Variants in GABRG3 observed in about 807,000 individuals in gnomAD.
GABRG3 encodes gamma-aminobutyric acid type A receptor subunit gamma3.
A neutral mutation model predicts 48.8 loss-of-function variants in GABRG3; 25 were observed. The observed-to-expected ratio is 0.51, with a 90% CI of 0.37 to 0.72. GABRG3 has a LOEUF of 0.72. GABRG3 is among the 30% of genes least tolerant of loss of function. The pLI, the probability that GABRG3 is intolerant of heterozygous loss-of-function variation, is 0.00. For synonymous variants in GABRG3, 227 were observed against 217.6 expected, an observed-to-expected ratio of 1.04 and a Z score of -0.38; for missense variants, 394 against 577.9, an observed-to-expected ratio of 0.68 and a Z score of 3.26.
At chr15:27,308,721 CATAAT>C (rs1281709599) in intron 3 of GABRG3, among the ~76,000 whole-genome samples, 3 of 148,854 alleles carry the variant, frequency 2.0e-5, no homozygotes, top group African/African-American at 7.3e-5. Context: ...TATATGTAAA[CATAAT>C]GTAAACATAC....
chr15:27,293,436 C>A (rs1014464783), intron 3 of GABRG3, among the ~76,000 whole-genome samples: 1 of 151,906 alleles, frequency 6.6e-6, no homozygotes, highest in African/African-American at 2.4e-5. Flanking sequence ...CGCCTGTAAT[C>A]CCAGCACTTT....
chr15:27,176,254 C>A (rs150147234), intron 3 of GABRG3, among the ~76,000 whole-genome samples: 10 of 152,280 alleles, frequency 6.6e-5, no homozygotes, highest in African/African-American at 2.4e-4. Flanking sequence ...TTTAAGAGTT[C>A]CACCTCTTTC....
chr15:27,003,497 T>C (rs1423916976), intron 2 of GABRG3, among the ~76,000 whole-genome samples: 2 of 152,056 alleles, frequency 1.3e-5, no homozygotes, highest in African/African-American at 4.8e-5. Flanking sequence ...CATTTAACCC[T>C]GAGTGGACAC....
intron 3 of GABRG3, among the ~76,000 whole-genome samples, chr15:27,052,057 G>C (rs546411802): frequency 6.6e-6 from 1 of 152,298 alleles, no homozygotes; most frequent in South Asian, 2.1e-4. Flanking sequence ...AGCTTCTCTT[G>C]CTCGCCCGCC....
chr15:27,483,827 G>A (rs1255976247), intron 6 of GABRG3, among the ~76,000 whole-genome samples: 2 of 152,196 alleles, frequency 1.3e-5, no homozygotes, highest in African/African-American at 4.8e-5. Flanking sequence ...GTCTTGAACA[G>A]TCTCTCTGCC....
chr15:27,290,227 C>T (rs190801345), intron 3 of GABRG3, among the ~76,000 whole-genome samples: 122 of 151,736 alleles, frequency 8.0e-4, no homozygotes, highest in Non-Finnish European at 1.4e-3. Flanking sequence ...TAAATATTGA[C>T]GAACAGATAT....
chr15:27,413,830 TGA>T (rs1216713495), intron 5 of GABRG3, among the ~76,000 whole-genome samples: 1 of 152,214 alleles, frequency 6.6e-6, no homozygotes, highest in East Asian at 1.9e-4. Context: ...AAAGAAGGAA[TGA>T]GATACCAATT....
At chr15:27,267,874 T>G (rs1890969528) in intron 3 of GABRG3, among the ~76,000 whole-genome samples, 1 of 152,222 alleles carries the variant, frequency 6.6e-6, no homozygotes, top group African/African-American at 2.4e-5. Context: ...TAGGCCAACC[T>G]TACATTCCTG....
intron 5 of GABRG3, among the ~76,000 whole-genome samples, chr15:27,434,199 A>T (rs1370969616): frequency 6.6e-6 from 1 of 152,264 alleles, no homozygotes; most frequent in Non-Finnish European, 1.5e-5. Flanking sequence ...AATGCACAGC[A>T]TATTGATGCA....
intron 2 of GABRG3, among the ~76,000 whole-genome samples, chr15:26,979,277 G>A (rs1895008725): frequency 6.6e-6 from 1 of 152,028 alleles, no homozygotes; most frequent in South Asian, 2.1e-4. Context: ...CACCATCATT[G>A]TCATCTGCAA....
intron 3 of GABRG3, among the ~76,000 whole-genome samples, chr15:27,268,728 T>C (rs1890994546): frequency 1.5e-5 from 2 of 135,944 alleles, no homozygotes. Flanking sequence ...TTCAAATTCA[T>C]TTCAAATATT....
chr15:27,010,268 A>G (rs1895661241), intron 2 of GABRG3, among the ~76,000 whole-genome samples: 1 of 152,188 alleles, frequency 6.6e-6, no homozygotes, highest in African/African-American at 2.4e-5. Context: ...GCACCTTCCT[A>G]GGAATTTTGT....
intron 3 of GABRG3, among the ~76,000 whole-genome samples, chr15:27,086,341 G>C (rs2140749322): frequency 7.0e-6 from 1 of 143,364 alleles, no homozygotes; most frequent in African/African-American, 2.6e-5. Flanking sequence ...TACAAAGGCA[G>C]CATGGGTTGT....
intron 3 of GABRG3, among the ~76,000 whole-genome samples, chr15:27,097,988 G>GA (rs576929265): frequency 1.6e-3 from 204 of 130,756 alleles, no homozygotes; most frequent in African/African-American, 4.2e-3. Context: ...GGAATTAAAA[G>GA]AAAAAAAAAA....
chr15:27,050,161 T>G (rs1595493921), intron 3 of GABRG3, among the ~76,000 whole-genome samples: 1 of 152,198 alleles, frequency 6.6e-6, no homozygotes, highest in Non-Finnish European at 1.5e-5. Context: ...GTCTCTATAT[T>G]GGGCATGGAC....
chr15:27,328,935 C>T (rs377147383), intron 5 of GABRG3, 47 bp downstream of exon 5: 4 of 1,449,154 alleles, frequency 2.8e-6, no homozygotes, highest in Non-Finnish European at 3.9e-6. Flanking sequence ...GTGAGGGATG[C>T]CTAGCCTGGT....
intron 3 of GABRG3, among the ~76,000 whole-genome samples, chr15:27,294,060 GA>G (rs1207744045): frequency 6.6e-6 from 1 of 152,118 alleles, no homozygotes; most frequent in Non-Finnish European, 1.5e-5. Context: ...CATTAAGTAT[GA>G]AACACTTGAG....
At chr15:27,308,346 A>G (rs1892804886) in intron 3 of GABRG3, among the ~76,000 whole-genome samples, 1 of 124,932 alleles carries the variant, frequency 8.0e-6, no homozygotes. Flanking sequence ...ACATAATATA[A>G]ACATACGTTT....
At chr15:27,189,821 C>A (rs1865423061) in intron 3 of GABRG3, among the ~76,000 whole-genome samples, 1 of 152,070 alleles carries the variant, frequency 6.6e-6, no homozygotes, top group South Asian at 2.1e-4. Context: ...AAAGGGAATG[C>A]TTCCAGTTTT....
Sources: gnomAD v4.1 joint callset for allele counts (sites outside exome capture counted in the v4.1 genomes callset) on GRCh38, gnomAD v4.1.1 for gene constraint, MANE v1.5 for transcripts, NCBI Gene and HGNC (gene_info 2026-07-23, HGNC 2026-07-21) for gene names.